The following CUX2 variants were observed in gnomAD, a reference collection of about 807,000 sequenced individuals.
The protein encoded by CUX2 is homeobox protein cut-like 2.
CUX2 carries 40 observed loss-of-function variants against 144.8 expected under a neutral mutation model. That is an observed-to-expected ratio of 0.28 (90% CI 0.21 to 0.36). The LOEUF (loss-of-function observed/expected upper bound fraction) is 0.36. Ranked by LOEUF, CUX2 falls within the 10% of genes least tolerant of loss-of-function variation. CUX2 has a pLI of 1.00. For synonymous variants in CUX2, 827 were observed against 875.6 expected, an observed-to-expected ratio of 0.94 and a Z score of 0.98; for missense variants, 1,615 against 1,994.0, an observed-to-expected ratio of 0.81 and a Z score of 3.62.
At chr12:111,147,832 G>A (rs754202485) in intron 1 of CUX2, among the ~76,000 whole-genome samples, 20 of 152,116 alleles carry the variant, frequency 1.3e-4, no homozygotes, top group Admixed American at 2.6e-4. Context: ...TGTCCAGCAG[G>A]TCTCAGCAAA....
chr12:111,304,363 G>T lies in CUX2; in HGVS notation c.858+49G>T, dbSNP rs755391595. On this transcript the variant is annotated intron_variant, in intron 10 of 21. Transcript: ENST00000261726. This position sits in a 1 kb window ranked among gnomAD's most constrained non-coding sequence, Gnocchi z 4.7. ...AGCAGGGAGGGCAGAGGGAAAGATC[G>T]GGAATGGCTGAGTTTGCAGGTTTCA... 2.7e-6 allele frequency: 4 copies of T among 1,483,052 alleles called. No homozygotes were observed. The highest frequency in any genetic ancestry group is 3.7e-6 in the Non-Finnish European group (4 of 1,072,500). 91.9% of individuals were successfully genotyped at this position (1,483,052 alleles called of 1,614,324 possible). A position where few individuals can be genotyped will look rare whatever the true frequency, so the allele number is the denominator to read the frequency against.
chr12:111,069,410 C>G (rs899890265), intron 1 of CUX2, among the ~76,000 whole-genome samples: 1 of 152,078 alleles, frequency 6.6e-6, no homozygotes, highest in African/African-American at 2.4e-5. Context: ...CTTCGTCTGT[C>G]CAGTGGACTC....
rs373722724 is a variant in CUX2 at position 111,334,968 on chromosome 12, G to T, written c.3196+258G>T. ...ACAAACTTCACACGTGTTGGTGCAT[G>T]CCTGTAGTCCTAGCAACTCAGGAGC... On this transcript the variant is annotated intron_variant, in intron 19 of 21. Coordinates refer to ENST00000261726, the MANE Select transcript of CUX2 (RefSeq NM_015267.4). 1.2e-4 allele frequency among the ~76,000 whole-genome samples: 18 copies of T among 152,332 alleles called. No homozygotes were observed. The South Asian group carries it at 3.5e-3, about 30-fold the overall frequency.
intron 18 of CUX2, among the ~76,000 whole-genome samples, chr12:111,326,742 A>G (rs1887841039): frequency 6.6e-6 from 1 of 152,008 alleles, no homozygotes; most frequent in African/African-American, 2.4e-5. Flanking sequence ...CGTCTCTCCT[A>G]AAAGTACAAA....
At chr12:111,294,713 A>G (rs565904634) in intron 6 of CUX2, among the ~76,000 whole-genome samples, 1 of 152,216 alleles carries the variant, frequency 6.6e-6, no homozygotes, top group African/African-American at 2.4e-5. Flanking sequence ...CCTGACCAAC[A>G]TGGTGAAACC....
Position 111,295,498 on chromosome 12 carries a change from A to G in CUX2, c.637+89A>G, listed in dbSNP as rs1592930613. The G allele has an allele frequency of 1.7e-6, 2 of 1,146,904 alleles. No homozygotes were observed. Among genetic ancestry groups the G allele is most frequent in the Admixed American group, 2.7e-5 (1 of 36,606 alleles). The allele number at this position is 1,146,904 out of a possible 1,614,324, so 71.0% of individuals were successfully genotyped here. Reference sequence around the variant, plus strand: ...GGGGTCACGGCTTGGGGTCTGCCACATCCAGGTGTTTTAGAATCAAGAGGG... The same window carrying G: ...GGGGTCACGGCTTGGGGTCTGCCACGTCCAGGTGTTTTAGAATCAAGAGGG... On this transcript the variant is annotated intron_variant, in intron 7 of 21. Transcript: ENST00000261726. The surrounding 1 kb of genome is among the most constrained non-coding windows in gnomAD (Gnocchi z 5.0).
intron 3 of CUX2, among the ~76,000 whole-genome samples, chr12:111,245,274 G>A (rs569542829): frequency 1.3e-5 from 2 of 152,086 alleles, no homozygotes; most frequent in East Asian, 3.9e-4. Flanking sequence ...AGTGACTCAC[G>A]CTCGTAATCC....
chr12:111,160,261 C>T lies in CUX2; in HGVS notation c.64-53939C>T, dbSNP rs1320380460. On this transcript the variant is annotated intron_variant, in intron 1 of 21. Transcript: ENST00000261726. This position sits in a 1 kb window ranked among gnomAD's most constrained non-coding sequence, Gnocchi z 4.1. ...TGTGATTCTGCAAAGAAACAGCATG[C>T]CATGGTTTGGAGGGCTATTAAATGG... 6.6e-6 allele frequency among the ~76,000 whole-genome samples: 1 copy of T among 152,162 alleles called. No individual in the cohort carries two copies.
At chr12:111,064,788 T>C (rs1324456767) in intron 1 of CUX2, among the ~76,000 whole-genome samples, 2 of 152,168 alleles carry the variant, frequency 1.3e-5, no homozygotes, top group African/African-American at 4.8e-5. Flanking sequence ...ATTGGGCAAG[T>C]GAATGACCCA....
At chr12:111,207,497 G>T (rs772960618) in intron 1 of CUX2, among the ~76,000 whole-genome samples, 1 of 152,092 alleles carries the variant, frequency 6.6e-6, no homozygotes, top group African/African-American at 2.4e-5. Flanking sequence ...CAACATCTTC[G>T]GTTGCATCCC....
chr12:111,169,953 G>A (rs1878414032), intron 1 of CUX2, among the ~76,000 whole-genome samples: 1 of 152,202 alleles, frequency 6.6e-6, no homozygotes, highest in South Asian at 2.1e-4. Context: ...GCTAGAGATT[G>A]TGTGTGGCAG....
intron 1 of CUX2, among the ~76,000 whole-genome samples, chr12:111,104,271 C>T (rs141093248): frequency 4.6e-5 from 7 of 152,292 alleles, no homozygotes; most frequent in Non-Finnish European, 7.4e-5. Flanking sequence ...CTCTTCCCCC[C>T]TCACATAGTA....
At chr12:111,198,202 C>T (rs1264886619) in intron 1 of CUX2, among the ~76,000 whole-genome samples, 10 of 152,078 alleles carry the variant, frequency 6.6e-5, no homozygotes, top group South Asian at 2.1e-4. Flanking sequence ...AGGCCAGGTG[C>T]GGGTGGCTCA....
chr12:111,147,067 A>G (rs1298134605), intron 1 of CUX2, among the ~76,000 whole-genome samples: 1 of 152,192 alleles, frequency 6.6e-6, no homozygotes, highest in East Asian at 1.9e-4. Flanking sequence ...CTCGGGAGGC[A>G]GTGGTTCCAG....
At chr12:111,044,691 G>A (rs1159857082) in intron 1 of CUX2, among the ~76,000 whole-genome samples, 1 of 152,178 alleles carries the variant, frequency 6.6e-6, no homozygotes, top group Non-Finnish European at 1.5e-5. Context: ...GGAGGGCAGG[G>A]ACATAGTAAG....
At position 111,320,231 on chromosome 12, in the gene CUX2, C is replaced by A. The variant is rs369648566; in HGVS notation, c.2222C>A (p.Ala741Asp). The A allele has an allele frequency of 1.3e-6, 2 of 1,570,118 alleles. No individual in the cohort carries two copies. The highest frequency in any genetic ancestry group is 1.7e-6 in the Non-Finnish European group (2 of 1,166,124). Residue 741 changes from alanine to aspartate, a missense_variant, in exon 17 of 22, where the codon GCC (alanine) becomes GAC (aspartate). By Grantham distance (126) the Ala-to-Asp change is moderately radical. Transcript: ENST00000261726. The surrounding 1 kb of genome is among the most constrained non-coding windows in gnomAD (Gnocchi z 8.1). ...PSLATASQNG[A>D]PALVKQEEGS... The stretch of plus-strand genomic sequence containing the variant: ...CTGGCCACCGCGAGCCAGAACGGGG[C>A]CCCGGCCTTGGTGAAGCAGGAGGAG...
chr12:111,344,104 G>C (rs1466784162), intron 21 of CUX2, among the ~76,000 whole-genome samples: 1 of 152,196 alleles, frequency 6.6e-6, no homozygotes, highest in African/African-American at 2.4e-5. Context: ...GCTCAGAGCA[G>C]AGCCTGCCAA....
intron 1 of CUX2, among the ~76,000 whole-genome samples, chr12:111,146,231 G>C (rs1876659918): frequency 6.6e-6 from 1 of 152,164 alleles, no homozygotes. Flanking sequence ...CTTCACTGTT[G>C]GTGGTGTACA....
At chr12:111,130,842 C>T (rs775595292) in intron 1 of CUX2, among the ~76,000 whole-genome samples, 8 of 152,206 alleles carry the variant, frequency 5.3e-5, no homozygotes, top group Non-Finnish European at 1.0e-4. Context: ...GGTTAGAACC[C>T]TTTCTAACTC....
Sources: gnomAD v4.1 joint callset for allele counts (sites outside exome capture counted in the v4.1 genomes callset) on GRCh38, gnomAD v4.1.1 for gene constraint, Gnocchi (gnomAD v3.1) non-coding constraint, MANE v1.5 for transcripts, NCBI Gene and HGNC (gene_info 2026-07-23, HGNC 2026-07-21) for gene names.